RANBP3L: variants seen among roughly 807,000 people sequenced by gnomAD.
RANBP3L encodes the protein RAN binding protein 3 like, also known as ran-binding protein 3-like.
RANBP3L carries 56 observed loss-of-function variants against 67.2 expected under a neutral mutation model. The observed-to-expected ratio is 0.83, with a 90% CI of 0.67 to 1.04. RANBP3L has a LOEUF of 1.04. RANBP3L is among the 50% of genes least tolerant of loss of function. The pLI, the probability that RANBP3L is intolerant of heterozygous loss-of-function variation, is 0.00. For missense variants in RANBP3L, 496 were observed against 535.5 expected, an observed-to-expected ratio of 0.93 and a Z score of 0.73; for synonymous variants, 164 against 181.4, an observed-to-expected ratio of 0.90 and a Z score of 0.77.
At chr5:36,287,695 T>A (rs1751424757) in intron 1 of RANBP3L, among the ~76,000 whole-genome samples, 1 of 152,194 alleles carries the variant, frequency 6.6e-6, no homozygotes, top group African/African-American at 2.4e-5. Context: ...AGATAGTTCT[T>A]TTTATTATAC....
rs776523109 is a variant in RANBP3L at position 36,257,539 on chromosome 5, G to A, written c.687C>T (p.Thr229=). The A allele has an allele frequency of 1.9e-6, 3 of 1,570,916 alleles. No individual in the cohort carries two copies. The highest frequency in any genetic ancestry group is 1.7e-6 in the Non-Finnish European group (2 of 1,151,520). ...VERVLGTQKL[T]QPQLENDSYA... is the part of the protein sequence containing the mutation. ...ATGAATCATTTTCAAGTTGAGGCTGGGTGAGTTTTTGAGTACCCTGAGAGC... is the reference window on the plus strand; with the variant it reads ...ATGAATCATTTTCAAGTTGAGGCTGAGTGAGTTTTTGAGTACCCTGAGAGC... Residue 229 remains threonine (T), a synonymous_variant, in exon 9 of 14, where the codon ACC becomes ACT. Coordinates refer to ENST00000296604, the MANE Select transcript of RANBP3L (RefSeq NM_145000.5).
chr5:36,301,324 A>C lies in RANBP3L; in HGVS notation c.91+2T>G, dbSNP rs2112207546. ...TGCAACTCATGAGCTGGACGGACTC[A>C]CCTTGCTGTCGCCGGTCCTCCTGCA... On this transcript the variant is annotated splice_donor_variant, in intron 1 of 13. Transcript: ENST00000296604. LOFTEE classifies it high-confidence loss of function. The C allele has an allele frequency of 6.2e-7, 1 of 1,609,690 alleles. No homozygotes were observed. Among genetic ancestry groups the C allele is most frequent in the East Asian group, 2.2e-5 (1 of 44,866 alleles).
chr5:36,255,099 C>T (rs1395161383), intron 11 of RANBP3L, among the ~76,000 whole-genome samples: 1 of 152,112 alleles, frequency 6.6e-6, no homozygotes, highest in East Asian at 1.9e-4. Context: ...AATAAGATTA[C>T]TATTTAGGTA....
intron 12 of RANBP3L, 125 bp downstream of exon 12, chr5:36,253,522 A>G (rs1243503158): frequency 5.6e-6 from 4 of 710,924 alleles, no homozygotes; most frequent in Non-Finnish European, 9.4e-6. Context: ...ATAAACAGAC[A>G]TAATGAATGG....
At chr5:36,299,335 A>ATATACACATACATATATG (rs1752457005) in intron 1 of RANBP3L, among the ~76,000 whole-genome samples, 1 of 145,362 alleles carries the variant, frequency 6.9e-6, no homozygotes, top group East Asian at 2.0e-4. Flanking sequence ...ACATACATAT[A>ATATACACATACATATATG]TGTGTGTGTG....
chr5:36,265,400 G>A, intron 5 of RANBP3L, 49 bp downstream of exon 5: 1 of 1,201,758 alleles, frequency 8.3e-7, no homozygotes, highest in Non-Finnish European at 1.2e-6. Flanking sequence ...TGAAAATATA[G>A]GTGGTAAAAT....
intron 1 of RANBP3L, among the ~76,000 whole-genome samples, chr5:36,276,303 G>C (rs539052730): frequency 7.2e-5 from 11 of 152,264 alleles, no homozygotes; most frequent in Admixed American, 1.3e-4. Flanking sequence ...GAATTCACTA[G>C]GAAGAAAACC....
intron 1 of RANBP3L, among the ~76,000 whole-genome samples, chr5:36,297,986 T>C (rs1752345672): frequency 6.6e-6 from 1 of 152,058 alleles, no homozygotes; most frequent in Non-Finnish European, 1.5e-5. Flanking sequence ...TTTTAGCATA[T>C]GGCATGGGGG....
chr5:36,294,782 G>A (rs1185558797), intron 1 of RANBP3L, among the ~76,000 whole-genome samples: 1 of 147,738 alleles, frequency 6.8e-6, no homozygotes, highest in Admixed American at 6.8e-5. Context: ...TAGTGTGTAT[G>A]TATAGTGTAT....
intron 8 of RANBP3L, among the ~76,000 whole-genome samples, chr5:36,259,817 C>A (rs1749245756): frequency 6.6e-6 from 1 of 152,054 alleles, no homozygotes; most frequent in African/African-American, 2.4e-5. Context: ...GCATGGTTTT[C>A]CACAGCTTTC....
In RANBP3L at chr5:36,253,788, A is replaced by G. The variant is rs778448737; in HGVS notation, c.1026T>C (p.Ile342=). The G allele has an allele frequency of 6.2e-7, 1 of 1,612,306 alleles. No homozygotes were observed. Among genetic ancestry groups the G allele is most frequent in the Non-Finnish European group, 8.5e-7 (1 of 1,178,944 alleles). ...TDCGTLQSRL[I]MRNQGSLRLI... is the part of the protein sequence containing the mutation. Reference sequence around the variant, plus strand: ...GCCTTAGACTGCCTTGATTGCGCATAACTAAAATAGGAAGGTGACTACATC... The same window carrying G: ...GCCTTAGACTGCCTTGATTGCGCATGACTAAAATAGGAAGGTGACTACATC... Residue 342 remains isoleucine, a splice_region_variant and synonymous_variant, in exon 12 of 14, where the codon ATT becomes ATC. Coordinates refer to ENST00000296604, the MANE Select transcript of RANBP3L (RefSeq NM_145000.5).
chr5:36,289,867 TTTA>T (rs141747005), intron 1 of RANBP3L, among the ~76,000 whole-genome samples: 9,281 of 152,094 alleles, frequency 0.061, 958 homozygotes, highest in African/African-American at 0.21. Flanking sequence ...ATGTAAGCCT[TTTA>T]TTTCTTTTTC....
chr5:36,274,770 TG>T (rs1367000678), intron 1 of RANBP3L, among the ~76,000 whole-genome samples: 1 of 151,936 alleles, frequency 6.6e-6, no homozygotes, highest in East Asian at 1.9e-4. Flanking sequence ...GAAAGGGTAT[TG>T]GGGGGAAGGG....
intron 1 of RANBP3L, among the ~76,000 whole-genome samples, chr5:36,289,797 A>G (rs1391113179): frequency 6.6e-6 from 1 of 151,818 alleles, no homozygotes; most frequent in African/African-American, 2.4e-5. Flanking sequence ...GGATTTTTCT[A>G]CAAATACCAT....
intron 6 of RANBP3L, among the ~76,000 whole-genome samples, chr5:36,263,758 C>G (rs2111791156): frequency 6.6e-6 from 1 of 152,310 alleles, no homozygotes; most frequent in Middle Eastern, 3.4e-3. Context: ...AACGTTTTAG[C>G]TCAAGAGATC....
Position 36,251,464 on chromosome 5 carries a change from T to G in RANBP3L, c.1203A>C (p.Ala401=). ...SAQDTAYLYA[A]IHHRLVALQS... is the part of the protein sequence containing the mutation. Reference sequence around the variant, plus strand: ...GAAGTGCAACAAGACGATGATGTATTGCTGCATACAAATATGCTGTATCTT... The same window carrying G: ...GAAGTGCAACAAGACGATGATGTATGGCTGCATACAAATATGCTGTATCTT... The change falls in exon 13 of 14, where the codon GCA becomes GCC. Residue 401 remains alanine, a synonymous_variant. Transcript: ENST00000296604. 1 of 1,612,536 alleles carries G rather than the reference T, an allele frequency of 6.2e-7. No homozygotes were observed. Among genetic ancestry groups the G allele is most frequent in the Non-Finnish European group, 8.5e-7 (1 of 1,179,082 alleles).
At chr5:36,267,465 G>A (rs1342559094) in intron 4 of RANBP3L, among the ~76,000 whole-genome samples, 2 of 151,490 alleles carry the variant, frequency 1.3e-5, no homozygotes, top group East Asian at 1.9e-4. Context: ...CTGAGATCAC[G>A]CCATTGCACT....
chr5:36,273,849 G>A (rs546124412), intron 1 of RANBP3L, among the ~76,000 whole-genome samples: 48 of 152,292 alleles, frequency 3.2e-4, no homozygotes, highest in Non-Finnish European at 6.0e-4. Context: ...TTAAAATTAA[G>A]TTTAGCCTAA....
Position 36,269,271 on chromosome 5 carries a change from T to C in RANBP3L, c.268+119A>G. 4 of 656,096 alleles carry C rather than the reference T, an allele frequency of 6.1e-6. No individual in the cohort carries two copies. The South Asian group carries it at 7.8e-5, about 13-fold the overall frequency. The allele number at this position is 656,096 out of a possible 1,614,324, so 40.6% of individuals were successfully genotyped here. On this transcript the variant is annotated intron_variant, in intron 4 of 13. Coordinates refer to ENST00000296604, the MANE Select transcript of RANBP3L (RefSeq NM_145000.5). ...AGCTTGTTGTTTTCACGTAACAATA[T>C]ATTATAAACACTATTCAGCTGGCAA...
Sources: allele counts gnomAD v4.1 joint callset (sites outside exome capture counted in the v4.1 genomes callset), GRCh38; gene constraint gnomAD v4.1.1; transcripts MANE v1.5; gene names NCBI Gene and HGNC (gene_info 2026-07-23, HGNC 2026-07-21).